SYT7: variants seen among roughly 807,000 people sequenced by gnomAD.
The protein encoded by SYT7 is synaptotagmin-7.
In SYT7, 29 loss-of-function variants were observed where a neutral mutation model predicts 75.1. The ratio of observed to expected loss-of-function variants is 0.39; its 90% confidence interval spans 0.29 to 0.53. The LOEUF is 0.53. Among genes scored for constraint, SYT7 ranks in the 20% least tolerant of loss-of-function variants. The pLI is 0.77. For missense variants in SYT7, 693 were observed against 953.2 expected, an observed-to-expected ratio of 0.73 and a Z score of 3.59; for synonymous variants, 376 against 401.7, an observed-to-expected ratio of 0.94 and a Z score of 0.76.
chr11:61,541,627 G>A (rs2063044571), intron 6 of SYT7, among the ~76,000 whole-genome samples: 1 of 151,128 alleles, frequency 6.6e-6, no homozygotes, highest in South Asian at 2.1e-4. Context: ...GGAGACTTGG[G>A]AAGTCAGGGC....
chr11:61,579,013 C>T (rs574984571), intron 1 of SYT7, among the ~76,000 whole-genome samples: 1 of 152,242 alleles, frequency 6.6e-6, no homozygotes, highest in East Asian at 1.9e-4. Flanking sequence ...TCAAGCTGGC[C>T]TCCGTGGTGA....
chr11:61,526,015 G>A (rs1244383939), intron 9 of SYT7: 1 of 152,362 alleles, frequency 6.6e-6, no homozygotes, highest in Non-Finnish European at 1.5e-5. Context: ...GGCCTGAGGT[G>A]AGGAGATTCT....
In SYT7 at chr11:61,545,942, G is replaced by C. The variant is rs1043454328; in HGVS notation, c.572+89C>G. On this transcript the variant is annotated intron_variant, in intron 5 of 12. Coordinates refer to ENST00000539008, the MANE Select transcript of SYT7 (RefSeq NM_001365809.2). ...GCCGAGGACGGCACCTCTGGGGGCA[G>C]CAGCGGGCATGCCAGGGGTCCCGCT... The C allele has an allele frequency of 3.2e-5, 39 of 1,211,604 alleles. No homozygotes were observed. In the South Asian group the frequency reaches 4.9e-4, roughly 15 times the overall value. 75.1% of individuals were successfully genotyped at this position (1,211,604 alleles called of 1,614,324 possible).
intron 6 of SYT7, chr11:61,540,764 C>T: frequency 1.0e-6 from 1 of 985,560 alleles, no homozygotes; most frequent in Non-Finnish European, 1.2e-6. Flanking sequence ...CAAGGACGTG[C>T]AGGGGCCCAG....
In SYT7 at chr11:61,558,535, C is replaced by CACAT. The variant is rs573476108; in HGVS notation, c.32-2329_32-2328insATGT. Among the ~76,000 whole-genome samples the CACAT allele has an allele frequency of 6.5e-5, 9 of 137,742 alleles. No individual in the cohort carries two copies. In the South Asian group the frequency reaches 8.9e-4, roughly 14 times the overall value. 90.4% of individuals were successfully genotyped at this position (137,742 alleles called of 152,430 possible). On this transcript the variant is annotated intron_variant, in intron 1 of 12. Coordinates refer to ENST00000539008, the MANE Select transcript of SYT7 (RefSeq NM_001365809.2). Reference sequence around the variant, plus strand: ...ACACACACACACACACACACACACACATATATATATAAATTATGAGGGTGT... The same window carrying CACAT: ...ACACACACACACACACACACACACACACATATATATATATAAATTATGAGGGTGT...
At position 61,551,401 on chromosome 11, in the gene SYT7, A is replaced by C; in HGVS notation, c.198T>G (p.Ser66Arg). The C allele has an allele frequency of 6.2e-7, 1 of 1,613,808 alleles. No homozygotes were observed. ...GCACCTACTTGATAGCCTTCTTCTCACTGCGCCCACGCCCTGAGTCTGGCG... is the reference window on the plus strand; with the variant it reads ...GCACCTACTTGATAGCCTTCTTCTCCCTGCGCCCACGCCCTGAGTCTGGCG... Reference protein sequence around the residue: ...VGTPDSGRGRSEKKAINDLDR... With the variant: ...VGTPDSGRGRREKKAINDLDR... Residue 66 changes from serine (S) to arginine (R), a missense_variant, in exon 3 of 13, where the codon AGT becomes AGG. Ser to Arg is a moderately radical substitution (Grantham distance 110). Coordinates refer to ENST00000539008, the MANE Select transcript of SYT7 (RefSeq NM_001365809.2). The surrounding 1 kb of genome is among the most constrained non-coding windows in gnomAD (Gnocchi z 5.3).
intron 1 of SYT7, among the ~76,000 whole-genome samples, chr11:61,570,939 C>G (rs1282876309): frequency 1.3e-5 from 2 of 152,146 alleles, no homozygotes; most frequent in East Asian, 1.9e-4. Flanking sequence ...AGGCACAGTT[C>G]TAGGTGGTTT....
At chr11:61,538,642 AG>A (rs890865243) in intron 6 of SYT7, among the ~76,000 whole-genome samples, 10 of 152,030 alleles carry the variant, frequency 6.6e-5, no homozygotes, top group African/African-American at 2.4e-4. Context: ...GACAGTCCCA[AG>A]GGAACACGGG....
chr11:61,587,179 C>A, the SYT7 span, among the ~76,000 whole-genome samples: 320 of 152,316 alleles, frequency 2.1e-3, 1 homozygote, highest in African/African-American at 7.5e-3. Context: ...CACCCATACC[C>A]AGGGGTGGCC....
At chr11:61,538,483 G>A (rs2062948142) in intron 6 of SYT7, among the ~76,000 whole-genome samples, 1 of 152,220 alleles carries the variant, frequency 6.6e-6, no homozygotes, top group Admixed American at 6.5e-5. Context: ...AGTGTCAACA[G>A]TTGCAGGATA....
intron 12 of SYT7, among the ~76,000 whole-genome samples, chr11:61,521,358 A>G (rs553957830): frequency 6.6e-6 from 1 of 152,366 alleles, no homozygotes; most frequent in East Asian, 1.9e-4. Flanking sequence ...AATATCCGAC[A>G]CCAAGAGGCG....
chr11:61,517,407 G>A lies in SYT7; in HGVS notation c.*1220C>T. On this transcript the variant is annotated 3_prime_UTR_variant, in exon 13 of 13. Coordinates refer to ENST00000539008, the MANE Select transcript of SYT7 (RefSeq NM_001365809.2). ...GTCGGGCAGAAGGAGCTGCTCCCGG[G>A]GACCAGGGAGTGGGGAAGGGTGAGA... The A allele has an allele frequency of 2.5e-6, 1 of 398,816 alleles. No individual in the cohort carries two copies. Among genetic ancestry groups the A allele is most frequent in the Non-Finnish European group, 4.4e-6 (1 of 226,202 alleles). The allele number at this position is 398,816 out of a possible 1,614,324, so 24.7% of individuals were successfully genotyped here.
At chr11:61,587,811 A>T in the SYT7 span, among the ~76,000 whole-genome samples, 4 of 152,194 alleles carry the variant, frequency 2.6e-5, no homozygotes, top group South Asian at 8.3e-4. Flanking sequence ...CGGGGCAGAG[A>T]TGCGCGTGCG....
intron 2 of SYT7, 62 bp downstream of exon 2, chr11:61,556,041 TG>T: frequency 7.3e-7 from 1 of 1,370,052 alleles, no homozygotes; most frequent in Non-Finnish European, 1.0e-6. Flanking sequence ...TGTGTGTGTG[TG>T]GGGAGGGGGG....
Position 61,527,806 on chromosome 11 carries a change from G to T in SYT7, c.1471+109C>A, listed in dbSNP as rs369201062. ...GTGTTTGTGCATTTGTGGGCCTGCA[G>T]GTGTGTGTACACATATGTGTCTGTG... On this transcript the variant is annotated intron_variant, in intron 9 of 12. Coordinates refer to ENST00000539008, the MANE Select transcript of SYT7 (RefSeq NM_001365809.2). The T allele has an allele frequency of 2.0e-3, 2,633 of 1,327,566 alleles. 80 individuals are homozygous for T. In the South Asian group the frequency reaches 0.033, roughly 17 times the overall value. 82.2% of individuals were successfully genotyped at this position (1,327,566 alleles called of 1,614,324 possible). A position where few individuals can be genotyped will look rare whatever the true frequency, so the allele number is the denominator to read the frequency against.
At chr11:61,569,352 T>C (rs1309428940) in intron 1 of SYT7, among the ~76,000 whole-genome samples, 1 of 151,898 alleles carries the variant, frequency 6.6e-6, no homozygotes, top group South Asian at 2.1e-4. Context: ...GGGATGCTGA[T>C]GGAGGAGCAA....
intron 6 of SYT7, 117 bp from the exon 7 acceptor site, chr11:61,538,383 G>GAC: frequency 1.2e-6 from 1 of 825,180 alleles, no homozygotes; most frequent in Non-Finnish European, 1.8e-6. Flanking sequence ...GAGAGAGAGA[G>GAC]AGAGAAAGAG....
Position 61,545,965 on chromosome 11 carries a change from G to A in SYT7, c.572+66C>T, listed in dbSNP as rs1368976888. 2.0e-5 allele frequency: 29 copies of A among 1,429,372 alleles called. No individual in the cohort carries two copies. The Middle Eastern group carries it at 1.0e-3, about 52-fold the overall frequency. 88.5% of individuals were successfully genotyped at this position (1,429,372 alleles called of 1,614,324 possible). A position where few individuals can be genotyped will look rare whatever the true frequency, so the allele number is the denominator to read the frequency against. On this transcript the variant is annotated intron_variant, in intron 5 of 12. Transcript: ENST00000539008. Reference sequence around the variant, plus strand: ...CAGCAGCGGGCATGCCAGGGGTCCCGCTGTCCACCCTGGCAGGGCAGGCCT... The same window carrying A: ...CAGCAGCGGGCATGCCAGGGGTCCCACTGTCCACCCTGGCAGGGCAGGCCT...
Position 61,581,052 on chromosome 11 carries a change from C to T in SYT7, c.-232G>A. The T allele has an allele frequency of 3.1e-6, 2 of 640,496 alleles. No individual in the cohort carries two copies. Among genetic ancestry groups the T allele is most frequent in the Non-Finnish European group, 3.9e-6 (2 of 517,288 alleles). 39.7% of individuals were successfully genotyped at this position (640,496 alleles called of 1,614,324 possible). A position where few individuals can be genotyped will look rare whatever the true frequency, so the allele number is the denominator to read the frequency against. On this transcript the variant is annotated 5_prime_UTR_variant, in exon 1 of 13. Coordinates refer to ENST00000539008, the MANE Select transcript of SYT7 (RefSeq NM_001365809.2). ...CCGCCGAACAGCGCCGAGCCGCCTC[C>T]CTCCGGCCTGCGCGCCGCGTGTGCG...
Sources: allele counts gnomAD v4.1 joint callset (sites outside exome capture counted in the v4.1 genomes callset), GRCh38; gene constraint gnomAD v4.1.1; non-coding constraint Gnocchi (gnomAD v3.1); transcripts MANE v1.5; gene names NCBI Gene and HGNC (gene_info 2026-07-23, HGNC 2026-07-21).